Variants in ASIP observed in about 807,000 individuals in gnomAD.
The protein encoded by ASIP is agouti signaling protein.
Under a neutral mutation model 10.3 loss-of-function variants are expected in ASIP, and 11 were observed. The observed-to-expected ratio is 1.07, with a 90% CI of 0.68 to 1.78. The LOEUF is 1.78. ASIP is among the 40% of genes most tolerant of loss of function. ASIP has a pLI of 0.00. For synonymous variants in ASIP, 70 were observed against 70.8 expected, an observed-to-expected ratio of 0.99 and a Z score of 0.06; for missense variants, 180 against 169.2, an observed-to-expected ratio of 1.06 and a Z score of -0.35.
At chr20:34,210,849 G>A (rs527795828) in intron 1 of ASIP, among the ~76,000 whole-genome samples, 33 of 152,316 alleles carry the variant, frequency 2.2e-4, no homozygotes, top group African/African-American at 7.0e-4. Flanking sequence ...ATGAACCACA[G>A]TGACTGATTT....
At chr20:34,189,628 A>C (rs1437207320), upstream of ASIP, among the ~76,000 whole-genome samples, 2 of 152,242 alleles carry the variant, frequency 1.3e-5, no homozygotes, top group Non-Finnish European at 2.9e-5. Context: ...GAATAGGTGC[A>C]CAATAACACA....
chr20:34,215,594 A>G, intron 1 of ASIP: 2 of 1,487,298 alleles, frequency 1.3e-6, no homozygotes, highest in Non-Finnish European at 1.9e-6. Context: ...ATTTGGTATA[A>G]AGGTCTTCTC....
intron 1 of ASIP, among the ~76,000 whole-genome samples, chr20:34,217,466 T>C (rs1281110840): frequency 6.6e-6 from 1 of 151,826 alleles, no homozygotes; most frequent in African/African-American, 2.4e-5. Context: ...AAAGAAAGCC[T>C]GGGGATATTT....
intron 1 of ASIP, among the ~76,000 whole-genome samples, chr20:34,197,147 G>A (rs1042213284): frequency 2.0e-5 from 3 of 152,148 alleles, no homozygotes; most frequent in Non-Finnish European, 4.4e-5. Context: ...GGCTGAGGCA[G>A]GTGGATCACG....
At chr20:34,197,463 G>C (rs931497415) in intron 1 of ASIP, among the ~76,000 whole-genome samples, 1 of 152,164 alleles carries the variant, frequency 6.6e-6, no homozygotes, top group African/African-American at 2.4e-5. Context: ...TTCAGGACTT[G>C]TTCAATACAG....
At chr20:34,248,827 C>T (rs1297926891) in intron 1 of ASIP, among the ~76,000 whole-genome samples, 2 of 151,158 alleles carry the variant, frequency 1.3e-5, no homozygotes, top group Non-Finnish European at 2.9e-5. Context: ...AAATATTCAG[C>T]AGAATATGTT....
At chr20:34,191,773 A>G (rs1466072721), upstream of ASIP, among the ~76,000 whole-genome samples, 4 of 123,596 alleles carry the variant, frequency 3.2e-5, no homozygotes, top group Non-Finnish European at 6.2e-5. Context: ...CTTGCTATCC[A>G]GGCTGGAGAG....
intron 1 of ASIP, among the ~76,000 whole-genome samples, chr20:34,247,154 C>T (rs1243024323): frequency 6.6e-6 from 1 of 150,678 alleles, no homozygotes; most frequent in Non-Finnish European, 1.5e-5. Context: ...CAATGTAGCC[C>T]GTTGTGTTTA....
At chr20:34,243,667 A>G (rs538733305) in intron 1 of ASIP, among the ~76,000 whole-genome samples, 9 of 152,070 alleles carry the variant, frequency 5.9e-5, no homozygotes, top group Admixed American at 5.9e-4. Flanking sequence ...CTCCACCAGT[A>G]ATTCTATTTA....
At chr20:34,226,014 C>CT (rs1212487049) in intron 1 of ASIP, among the ~76,000 whole-genome samples, 1 of 152,002 alleles carries the variant, frequency 6.6e-6, no homozygotes, top group Non-Finnish European at 1.5e-5. Context: ...CTGCCTCAGC[C>CT]TCCTGAGTAG....
chr20:34,219,086 T>C (rs2035028533), intron 1 of ASIP, among the ~76,000 whole-genome samples: 1 of 152,108 alleles, frequency 6.6e-6, no homozygotes, highest in Non-Finnish European at 1.5e-5. Context: ...TCCAAACACA[T>C]ACACATTACA....
chr20:34,223,531 A>G (rs1324851232), intron 1 of ASIP, among the ~76,000 whole-genome samples: 3,015 of 95,774 alleles, frequency 0.031, no homozygotes, highest in African/African-American at 0.059. Flanking sequence ...CAGCCGTGCC[A>G]TCCGGGAGGG....
the ASIP span, among the ~76,000 whole-genome samples, chr20:34,186,960 C>T: frequency 1.3e-5 from 2 of 152,074 alleles, no homozygotes; most frequent in South Asian, 2.1e-4. Context: ...ACTACAGGTG[C>T]GTGCCACCAC....
chr20:34,214,155 A>T, intron 1 of ASIP: 1 of 1,185,514 alleles, frequency 8.4e-7, no homozygotes, highest in Non-Finnish European at 1.3e-6. Context: ...TAAATCTTGT[A>T]TTCTATTCAA....
chr20:34,221,779 C>T (rs1235942867), intron 1 of ASIP, among the ~76,000 whole-genome samples: 2 of 151,922 alleles, frequency 1.3e-5, no homozygotes, highest in African/African-American at 4.8e-5. Context: ...TAGGGCATAG[C>T]GGAAGGAATA....
intron 1 of ASIP, among the ~76,000 whole-genome samples, chr20:34,209,657 T>G (rs2034960364): frequency 2.0e-5 from 3 of 152,220 alleles, no homozygotes; most frequent in Admixed American, 1.3e-4. Flanking sequence ...GTGCATACAC[T>G]TGGGGCAGTG....
chr20:34,189,254 T>A, the ASIP span, among the ~76,000 whole-genome samples: 1 of 151,828 alleles, frequency 6.6e-6, no homozygotes, highest in East Asian at 1.9e-4. Context: ...TTGTTTTCTT[T>A]TTTTTGAGAT....
intron 3 of ASIP, 31 bp from the exon 4 acceptor site, chr20:34,268,960 G>C (rs2035838779): frequency 1.3e-6 from 2 of 1,575,956 alleles, no homozygotes; most frequent in African/African-American, 2.7e-5. Flanking sequence ...GGGCGTGGCC[G>C]GCTCATAAAG....
intron 3 of ASIP, among the ~76,000 whole-genome samples, chr20:34,264,262 G>A (rs2035746960): frequency 6.6e-6 from 1 of 152,142 alleles, no homozygotes; most frequent in African/African-American, 2.4e-5. Flanking sequence ...GTAAACAACT[G>A]CAGTACATAC....
Sources: allele counts gnomAD v4.1 joint callset (sites outside exome capture counted in the v4.1 genomes callset), GRCh38; gene constraint gnomAD v4.1.1; transcripts MANE v1.5; gene names NCBI Gene and HGNC (gene_info 2026-07-23, HGNC 2026-07-21).